Variants in LDAH observed in about 807,000 individuals in gnomAD.
The protein encoded by LDAH is lipid droplet associated hydrolase, also known as lipid droplet-associated hydrolase.
In LDAH, 26 loss-of-function variants were observed where a neutral mutation model predicts 29.6. That is an observed-to-expected ratio of 0.88 (90% confidence interval 0.64 to 1.22). The LOEUF is 1.22. LDAH is among the 50% of genes most tolerant of loss of function. LDAH has a pLI of 0.00. For synonymous variants in LDAH, 117 were observed against 133.0 expected (o/e 0.88, Z 0.83); for missense variants, 344 against 387.3 (o/e 0.89, Z 0.94).
intron 5 of LDAH, among the ~76,000 whole-genome samples, chr2:20,721,079 CG>C (rs1351361281): frequency 6.6e-6 from 1 of 151,866 alleles, no homozygotes; most frequent in African/African-American, 2.4e-5. Flanking sequence ...AGATTTTTTT[CG>C]GGTAAGACCT....
chr2:20,688,662 A>G (rs975891075), intron 6 of LDAH, among the ~76,000 whole-genome samples: 4 of 152,150 alleles, frequency 2.6e-5, no homozygotes, highest in Non-Finnish European at 4.4e-5. Context: ...GATCTTACGA[A>G]AACAATGGCC....
chr2:20,786,119 T>C (rs985354614), intron 3 of LDAH, among the ~76,000 whole-genome samples: 5 of 152,174 alleles, frequency 3.3e-5, no homozygotes, highest in Admixed American at 6.5e-5. Context: ...TATTAAGTAA[T>C]AGGAATGAGG....
At chr2:20,777,303 A>G (rs1195392330) in intron 3 of LDAH, among the ~76,000 whole-genome samples, 2 of 152,262 alleles carry the variant, frequency 1.3e-5, no homozygotes, top group African/African-American at 4.8e-5. Flanking sequence ...GGAACTATTC[A>G]GTAGATTTTC....
At chr2:20,773,432 C>T (rs1258530381) in intron 4 of LDAH, among the ~76,000 whole-genome samples, 2 of 152,026 alleles carry the variant, frequency 1.3e-5, no homozygotes, top group Admixed American at 1.3e-4. Flanking sequence ...ATAAAGATGG[C>T]AACCACATGA....
intron 4 of LDAH, among the ~76,000 whole-genome samples, chr2:20,762,953 G>A (rs1002951820): frequency 5.3e-5 from 8 of 152,172 alleles, no homozygotes; most frequent in African/African-American, 9.7e-5. Context: ...ACTGCAAAGC[G>A]TCAGATTGAG....
intron 6 of LDAH, among the ~76,000 whole-genome samples, chr2:20,693,193 T>G (rs987198702): frequency 8.0e-6 from 1 of 124,920 alleles, no homozygotes; most frequent in African/African-American, 3.0e-5. Context: ...GCTTTCCACA[T>G]GGTGGGCACT....
chr2:20,758,956 A>G (rs1346762958), intron 4 of LDAH, among the ~76,000 whole-genome samples: 1 of 152,208 alleles, frequency 6.6e-6, no homozygotes, highest in African/African-American at 2.4e-5. Flanking sequence ...TTAAGTTTTT[A>G]TGAAATCTCT....
intron 4 of LDAH, among the ~76,000 whole-genome samples, chr2:20,770,308 G>A (rs2124999938): frequency 1.3e-5 from 2 of 152,232 alleles, no homozygotes; most frequent in Middle Eastern, 6.8e-3. Context: ...ATTATGCACA[G>A]AAGGCCAAAT....
intron 6 of LDAH, among the ~76,000 whole-genome samples, chr2:20,696,073 A>G (rs767270189): frequency 2.0e-5 from 3 of 152,226 alleles, no homozygotes; most frequent in African/African-American, 4.8e-5. Flanking sequence ...ATCTATTTTC[A>G]GGATGATTAT....
intron 4 of LDAH, among the ~76,000 whole-genome samples, chr2:20,744,224 T>G (rs1667414651): frequency 9.2e-5 from 2 of 21,782 alleles, no homozygotes; most frequent in African/African-American, 1.4e-3. Context: ...TCTCCTCAGA[T>G]TTTTTTTTTT....
At chr2:20,731,056 A>G (rs1666365897) in intron 5 of LDAH, among the ~76,000 whole-genome samples, 1 of 152,242 alleles carries the variant, frequency 6.6e-6, no homozygotes, top group Non-Finnish European at 1.5e-5. Flanking sequence ...ACATTTTAGA[A>G]TAATCATGTC....
intron 1 of LDAH, 88 bp downstream of exon 1, chr2:20,822,949 T>C (rs886793466): frequency 6.6e-6 from 1 of 152,322 alleles, no homozygotes; most frequent in Non-Finnish European, 1.5e-5. Flanking sequence ...CGAGGAACCA[T>C]AGAGAAGAAG....
At chr2:20,787,963 G>C (rs534144809) in intron 3 of LDAH, among the ~76,000 whole-genome samples, 3 of 152,068 alleles carry the variant, frequency 2.0e-5, no homozygotes, top group African/African-American at 7.2e-5. Flanking sequence ...TCATCTCTTA[G>C]TGCCAAGGTG....
chr2:20,810,128 T>C (rs1672367919), intron 1 of LDAH, among the ~76,000 whole-genome samples: 1 of 152,194 alleles, frequency 6.6e-6, no homozygotes, highest in South Asian at 2.1e-4. Flanking sequence ...TGATCCAAAG[T>C]CTGGGGCCTT....
intron 1 of LDAH, among the ~76,000 whole-genome samples, chr2:20,804,409 T>C (rs982253690): frequency 2.0e-5 from 3 of 152,236 alleles, no homozygotes; most frequent in African/African-American, 7.2e-5. Context: ...CATGGAATGC[T>C]AATTATAACA....
intron 6 of LDAH, among the ~76,000 whole-genome samples, chr2:20,696,375 C>G (rs892378291): frequency 6.6e-6 from 1 of 152,170 alleles, no homozygotes; most frequent in African/African-American, 2.4e-5. Flanking sequence ...GCCCCTTTCC[C>G]AAGCCACACT....
chr2:20,811,105 C>T (rs1371151660), intron 1 of LDAH, among the ~76,000 whole-genome samples: 1 of 151,728 alleles, frequency 6.6e-6, no homozygotes, highest in African/African-American at 2.4e-5. Context: ...GCAAGCTCCA[C>T]CTCCCGGGTT....
intron 2 of LDAH, among the ~76,000 whole-genome samples, chr2:20,791,091 C>A (rs900505972): frequency 2.0e-5 from 3 of 152,176 alleles, no homozygotes; most frequent in African/African-American, 7.2e-5. Flanking sequence ...CTGGTCTCTG[C>A]AATTACATGA....
At position 20,758,788 on chromosome 2, in the gene LDAH, C is replaced by T. The variant is rs1162203217; in HGVS notation, c.468+16022G>A. Among the ~76,000 whole-genome samples the T allele has an allele frequency of 2.0e-5, 3 of 152,008 alleles. No homozygotes were observed. The East Asian group carries it at 5.8e-4, about 29-fold the overall frequency. ...GAAAGGAAGTAGCTCAACAAAGGCA[C>T]ATAGATAGGAAAATATATATCTAGA... On this transcript the variant is annotated intron_variant, in intron 4 of 6. Transcript: ENST00000237822.
Sources: allele counts gnomAD v4.1 joint callset (sites outside exome capture counted in the v4.1 genomes callset), GRCh38; gene constraint gnomAD v4.1.1; transcripts MANE v1.5; gene names NCBI Gene and HGNC (gene_info 2026-07-23, HGNC 2026-07-21).